Variants in ADAMTSL1 observed in about 807,000 individuals in gnomAD.
ADAMTSL1 encodes the protein ADAMTS like 1, also known as ADAMTS-like protein 1.
A neutral mutation model predicts 201.8 loss-of-function variants in ADAMTSL1; 126 were observed. The observed-to-expected ratio is 0.62, with a 90% CI of 0.54 to 0.72. ADAMTSL1 has a LOEUF of 0.72. Ranked by LOEUF, ADAMTSL1 falls within the 30% of genes least tolerant of loss-of-function variation. The pLI, the probability that ADAMTSL1 is intolerant of heterozygous loss-of-function variation, is 0.00. For synonymous variants in ADAMTSL1, 1,121 were observed against 903.4 expected, an observed-to-expected ratio of 1.24 and a Z score of -4.32; for missense variants, 2,679 against 2,277.8, an observed-to-expected ratio of 1.18 and a Z score of -3.59.
chr9:18,161,079 T>G (rs796512699), intron 1 of ADAMTSL1, among the ~76,000 whole-genome samples: 109 of 152,032 alleles, frequency 7.2e-4, no homozygotes, highest in African/African-American at 2.4e-3. Context: ...ATATGTATTA[T>G]GAGACTTATA....
At chr9:18,105,596 A>C (rs1171366401) in intron 1 of ADAMTSL1, among the ~76,000 whole-genome samples, 1 of 152,210 alleles carries the variant, frequency 6.6e-6, no homozygotes, top group African/African-American at 2.4e-5. Flanking sequence ...TGGAGAAATC[A>C]CATAGCAACA....
intron 13 of ADAMTSL1, among the ~76,000 whole-genome samples, chr9:18,703,704 A>ATATATATATATATATATATAT (rs397967499): frequency 1.6e-5 from 1 of 62,446 alleles, no homozygotes; most frequent in African/African-American, 5.4e-5. Context: ...GCACATACAT[A>ATATATATATATATATATATAT]TATATATATA....
intron 1 of ADAMTSL1, among the ~76,000 whole-genome samples, chr9:17,937,038 G>A (rs12684916): frequency 0.23 from 34,371 of 151,956 alleles, 4,320 homozygotes; most frequent in East Asian, 0.35. Flanking sequence ...TAGCCAGTGT[G>A]TGATTGCTTT....
chr9:18,158,158 C>T lies in ADAMTSL1; in HGVS notation c.88-5704C>T, dbSNP rs115712997. ...CCAGAGGTTTGGGTGTGTTTGAGTG[C>T]ATGCAGAAAGGGGTTGTTGATACTC... On this transcript the variant is annotated intron_variant, in intron 1 of 29. Coordinates refer to the ADAMTSL1 transcript ENST00000680146. 6.5e-3 allele frequency among the ~76,000 whole-genome samples: 983 copies of T among 152,014 alleles called. 16 individuals carry two copies. The highest frequency in any genetic ancestry group is 0.023 in the African/African-American group (954 of 41,486).
At chr9:18,168,121 T>A (rs1452074045) in intron 2 of ADAMTSL1, among the ~76,000 whole-genome samples, 1 of 152,094 alleles carries the variant, frequency 6.6e-6, no homozygotes, top group Non-Finnish European at 1.5e-5. Context: ...TTAACTAGTT[T>A]TTTTTTTAAT....
At chr9:18,402,009 T>A (rs1226694516) in intron 2 of ADAMTSL1, among the ~76,000 whole-genome samples, 1 of 152,222 alleles carries the variant, frequency 6.6e-6, no homozygotes, top group African/African-American at 2.4e-5. Flanking sequence ...AAAGCAGATT[T>A]CTTGTGAGCT....
chr9:18,778,242 A>T (rs1821179588), intron 19 of ADAMTSL1, among the ~76,000 whole-genome samples: 1 of 152,236 alleles, frequency 6.6e-6, no homozygotes, highest in African/African-American at 2.4e-5. Context: ...AGGCCAAGGC[A>T]TTATTATGTT....
At chr9:18,275,721 A>G (rs1348245364) in intron 2 of ADAMTSL1, among the ~76,000 whole-genome samples, 1 of 152,058 alleles carries the variant, frequency 6.6e-6, no homozygotes, top group Non-Finnish European at 1.5e-5. Context: ...GTAGTATTTC[A>G]TTGTTTAGAT....
At chr9:18,898,724 C>A (rs905726094) in intron 26 of ADAMTSL1, among the ~76,000 whole-genome samples, 1 of 152,168 alleles carries the variant, frequency 6.6e-6, no homozygotes, top group African/African-American at 2.4e-5. Context: ...TCAATAGACA[C>A]AGGAAAGCCC....
chr9:18,644,046 A>C (rs931694221), intron 7 of ADAMTSL1, among the ~76,000 whole-genome samples: 7 of 151,580 alleles, frequency 4.6e-5, no homozygotes, highest in African/African-American at 1.7e-4. Flanking sequence ...TGTTTTCTTC[A>C]ATTTTTTCAT....
At chr9:18,677,351 A>C (rs1830186711) in intron 10 of ADAMTSL1, among the ~76,000 whole-genome samples, 1 of 152,062 alleles carries the variant, frequency 6.6e-6, no homozygotes, top group Admixed American at 6.6e-5. Context: ...CTTGACCTTG[A>C]AAAAATAATG....
At chr9:18,013,351 G>T (rs1057089570) in intron 1 of ADAMTSL1, among the ~76,000 whole-genome samples, 2 of 151,992 alleles carry the variant, frequency 1.3e-5, no homozygotes, top group East Asian at 3.9e-4. Flanking sequence ...AGGATATCTA[G>T]ATTTCAAAAC....
At chr9:18,358,042 A>C (rs1298338564) in intron 2 of ADAMTSL1, among the ~76,000 whole-genome samples, 1 of 152,204 alleles carries the variant, frequency 6.6e-6, no homozygotes, top group Non-Finnish European at 1.5e-5. Flanking sequence ...CTTTGGACCA[A>C]ATAGACCTAA....
chr9:18,626,121 C>T (rs1826345686), intron 5 of ADAMTSL1, among the ~76,000 whole-genome samples: 1 of 152,158 alleles, frequency 6.6e-6, no homozygotes, highest in African/African-American at 2.4e-5. Context: ...CCTCACAAGC[C>T]ACTCAAGGAT....
intron 2 of ADAMTSL1, among the ~76,000 whole-genome samples, chr9:18,259,415 C>G (rs867849632): frequency 1.8e-4 from 28 of 151,812 alleles, no homozygotes; most frequent in African/African-American, 6.5e-4. Flanking sequence ...GTCCCAGCTA[C>G]TCAGGAGGCT....
intron 15 of ADAMTSL1, among the ~76,000 whole-genome samples, chr9:18,750,059 C>G (rs761159891): frequency 1.3e-5 from 2 of 152,326 alleles, no homozygotes; most frequent in African/African-American, 4.8e-5. Flanking sequence ...ATAAGACATA[C>G]AAAGAGGGTT....
chr9:18,601,754 T>C (rs557648624), intron 4 of ADAMTSL1, among the ~76,000 whole-genome samples: 2 of 151,708 alleles, frequency 1.3e-5, no homozygotes, highest in South Asian at 4.1e-4. Context: ...ATATACACAT[T>C]TATATATTAC....
At chr9:18,682,322 C>G (rs1054677887) in intron 12 of ADAMTSL1, among the ~76,000 whole-genome samples, 4 of 152,064 alleles carry the variant, frequency 2.6e-5, no homozygotes, top group African/African-American at 4.8e-5. Context: ...GGAGTGAATC[C>G]AAGTATGTCT....
At chr9:18,046,644 T>G (rs1414257412) in intron 1 of ADAMTSL1, among the ~76,000 whole-genome samples, 1 of 152,176 alleles carries the variant, frequency 6.6e-6, no homozygotes, top group Non-Finnish European at 1.5e-5. Context: ...ATCCCTGTAC[T>G]CTTAACTATT....
Sources: allele counts gnomAD v4.1 joint callset (sites outside exome capture counted in the v4.1 genomes callset), GRCh38; gene constraint gnomAD v4.1.1; transcripts MANE v1.5; gene names NCBI Gene and HGNC (gene_info 2026-07-23, HGNC 2026-07-21).